The following ST7 variants were observed in gnomAD, a reference collection of about 807,000 sequenced individuals.
ST7 encodes suppressor of tumorigenicity 7 protein.
ST7 carries 28 observed loss-of-function variants against 78.7 expected under a neutral mutation model. The ratio of observed to expected loss-of-function variants is 0.36; its 90% confidence interval spans 0.26 to 0.49. The LOEUF (loss-of-function observed/expected upper bound fraction) is 0.49, where lower values mean the gene tolerates loss of function less well. ST7 is among the 20% of genes least tolerant of loss of function. ST7 has a pLI of 0.99. For missense variants in ST7, 418 were observed against 696.0 expected (o/e 0.60, Z 4.49); for synonymous variants, 247 against 249.6 (o/e 0.99, Z 0.10).
chr7:116,971,134 A>T lies in ST7; in HGVS notation c.151+17443A>T, dbSNP rs1230442771. Among the ~76,000 whole-genome samples, 3 of 152,204 alleles carry T rather than the reference A, an allele frequency of 2.0e-5. No individual in the cohort carries two copies. The East Asian group carries it at 5.8e-4, about 29-fold the overall frequency. Reference sequence around the variant, plus strand: ...AAAAATCAGTAAACTGCCAGCCCACAGAGTGCAGAGGCTGTCACAGCCAGG... The same window carrying T: ...AAAAATCAGTAAACTGCCAGCCCACTGAGTGCAGAGGCTGTCACAGCCAGG... On this transcript the variant is annotated intron_variant, in intron 1 of 15. Transcript: ENST00000323984.
At chr7:117,159,468 A>G (rs1311341029) in intron 9 of ST7, among the ~76,000 whole-genome samples, 2 of 152,214 alleles carry the variant, frequency 1.3e-5, no homozygotes, top group African/African-American at 4.8e-5. Flanking sequence ...GCCAGGAGAA[A>G]GCAATTACCA....
At chr7:117,017,505 CTT>C (rs140081765) in intron 1 of ST7, among the ~76,000 whole-genome samples, 1,952 of 152,266 alleles carry the variant, frequency 0.013, 18 homozygotes, top group Admixed American at 0.019. Flanking sequence ...TCGTTGCTAA[CTT>C]TATCTAGAAA....
intron 15 of ST7, among the ~76,000 whole-genome samples, chr7:117,225,779 A>G (rs1250637225): frequency 6.6e-6 from 1 of 152,160 alleles, no homozygotes; most frequent in Admixed American, 6.5e-5. Context: ...ACTCTCCAGC[A>G]TGTTTACTTG....
intron 9 of ST7, among the ~76,000 whole-genome samples, chr7:117,157,296 A>C (rs911907810): frequency 1.3e-5 from 2 of 152,190 alleles, no homozygotes; most frequent in Non-Finnish European, 2.9e-5. Flanking sequence ...GGGGTAACTC[A>C]ACAGCTGCAA....
At chr7:117,071,925 T>G (rs1798987480) in intron 1 of ST7, 1 of 152,224 alleles carries the variant, frequency 6.6e-6, no homozygotes, top group South Asian at 2.1e-4. Context: ...TTATTGGTCA[T>G]TAGACCTAAC....
At position 117,201,964 on chromosome 7, in the gene ST7, T is replaced by G. The variant is rs866763477; in HGVS notation, c.1255-7823T>G. Among the ~76,000 whole-genome samples the G allele has an allele frequency of 2.1e-4, 4 of 19,512 alleles. 2 individuals carry two copies. The highest frequency in any genetic ancestry group is 5.1e-4 in the African/African-American group (4 of 7,772). 12.8% of individuals were successfully genotyped at this position (19,512 alleles called of 152,430 possible). On this transcript the variant is annotated intron_variant, in intron 12 of 15. Coordinates refer to ENST00000323984, the MANE Select transcript of ST7 (RefSeq NM_001369598.1). ...CTCCCTCCTTGCTCGAAGCTATCTT[T>G]TTTTTTTTTTTTTTGAGACGGAGTC...
chr7:116,980,802 A>G (rs772969139), intron 1 of ST7, among the ~76,000 whole-genome samples: 8 of 152,256 alleles, frequency 5.3e-5, no homozygotes, highest in Non-Finnish European at 1.0e-4. Flanking sequence ...ATGTTCTTCA[A>G]AATAACCACA....
intron 9 of ST7, among the ~76,000 whole-genome samples, chr7:117,142,427 G>A (rs10262380): frequency 0.12 from 18,384 of 151,794 alleles, 2,035 homozygotes; most frequent in African/African-American, 0.29. Context: ...AGCATCCTAA[G>A]CTTCCACCTA....
Position 117,138,448 on chromosome 7 carries a change from T to C in ST7, c.879T>C (p.Asn293=), listed in dbSNP as rs988458797. The C allele has an allele frequency of 1.9e-6, 3 of 1,604,170 alleles. No homozygotes were observed. The African/African-American group carries it at 4.0e-5, about 22-fold the overall frequency. The stretch of plus-strand genomic sequence containing the variant: ...CTCCCTCTTCAGGACGAGACACCAA[T>C]GTCTTGGTGTACATCAAAAGAAGGC... The part of the protein sequence containing the change: ...QYEAQHRRDT[N]VLVYIKRRLA... The change falls in exon 9 of 16, where the codon AAT becomes AAC. Residue 293 remains asparagine (N), a synonymous_variant. Transcript: ENST00000323984.
chr7:116,985,956 G>C (rs150547450), intron 1 of ST7, among the ~76,000 whole-genome samples: 1 of 152,014 alleles, frequency 6.6e-6, no homozygotes, highest in East Asian at 1.9e-4. Flanking sequence ...TCGCAGCCTC[G>C]CAAGTAGCTG....
At chr7:117,039,435 A>C (rs1259936993) in intron 1 of ST7, among the ~76,000 whole-genome samples, 2 of 152,094 alleles carry the variant, frequency 1.3e-5, no homozygotes, top group East Asian at 1.9e-4. Context: ...TTAGCTGAGC[A>C]TGGTCTCATG....
intron 1 of ST7, among the ~76,000 whole-genome samples, chr7:117,040,462 G>C (rs927643495): frequency 6.6e-6 from 1 of 152,030 alleles, no homozygotes; most frequent in Non-Finnish European, 1.5e-5. Context: ...GTATATCTAC[G>C]TATAATGTAA....
At chr7:117,008,059 G>A (rs1193116742) in intron 1 of ST7, among the ~76,000 whole-genome samples, 1 of 152,040 alleles carries the variant, frequency 6.6e-6, no homozygotes, top group East Asian at 1.9e-4. Context: ...AAAAACCAGA[G>A]ACAAAAAAGC....
At chr7:117,193,150 TACACAC>T (rs137866535) in intron 12 of ST7, among the ~76,000 whole-genome samples, 2,196 of 144,912 alleles carry the variant, frequency 0.015, 58 homozygotes, top group African/African-American at 0.05. Context: ...CTTTAGCAGA[TACACAC>T]ACACACACAC....
intron 1 of ST7, among the ~76,000 whole-genome samples, chr7:117,016,141 T>C (rs1448362431): frequency 6.6e-6 from 1 of 152,234 alleles, no homozygotes; most frequent in African/African-American, 2.4e-5. Context: ...GTTTTATAAA[T>C]CTTTAGTATT....
intron 1 of ST7, among the ~76,000 whole-genome samples, chr7:116,958,891 T>C (rs1020622509): frequency 6.6e-6 from 1 of 152,170 alleles, no homozygotes; most frequent in African/African-American, 2.4e-5. Context: ...CTTGCCTTGA[T>C]GTTTATGGCT....
At chr7:117,057,589 CA>C (rs1169351425) in intron 1 of ST7, among the ~76,000 whole-genome samples, 1 of 152,130 alleles carries the variant, frequency 6.6e-6, no homozygotes, top group East Asian at 1.9e-4. Context: ...TTCAAGTGCT[CA>C]AACACAGCAA....
At chr7:117,030,567 C>G (rs528236087) in intron 1 of ST7, among the ~76,000 whole-genome samples, 5 of 152,092 alleles carry the variant, frequency 3.3e-5, no homozygotes, top group African/African-American at 1.2e-4. Context: ...ATACATGCAG[C>G]CAACAAGCAT....
chr7:117,203,310 C>T (rs1160372814), intron 12 of ST7, among the ~76,000 whole-genome samples: 1 of 152,194 alleles, frequency 6.6e-6, no homozygotes. Context: ...CTTCATTTTC[C>T]CATCTGTGAA....
Sources: allele counts gnomAD v4.1 joint callset (sites outside exome capture counted in the v4.1 genomes callset), GRCh38; gene constraint gnomAD v4.1.1; transcripts MANE v1.5; gene names NCBI Gene and HGNC (gene_info 2026-07-23, HGNC 2026-07-21).